NPTXR: variants seen among roughly 807,000 people sequenced by gnomAD.
The protein encoded by NPTXR is neuronal pentraxin receptor.
A neutral mutation model predicts 32.2 loss-of-function variants in NPTXR; 12 were observed. The ratio of observed to expected loss-of-function variants is 0.37; its 90% confidence interval spans 0.24 to 0.60. NPTXR has a LOEUF of 0.60. Among genes scored for constraint, NPTXR ranks in the 20% least tolerant of loss-of-function variants. NPTXR has a pLI of 0.66. For synonymous variants in NPTXR, 323 were observed against 315.8 expected (o/e 1.02, Z -0.24); for missense variants, 612 against 682.9 (o/e 0.90, Z 1.16).
intron 3 of NPTXR, among the ~76,000 whole-genome samples, chr22:38,824,936 G>A (rs367672204): frequency 2.0e-5 from 3 of 152,282 alleles, no homozygotes; most frequent in East Asian, 1.9e-4. Flanking sequence ...GGGTCTGATG[G>A]GTATCAATCA....
chr22:38,820,679 G>C lies in NPTXR; in HGVS notation c.*1930C>G, dbSNP rs893640897. The C allele has an allele frequency of 1.3e-5, 2 of 152,230 alleles. No individual in the cohort carries two copies. Among genetic ancestry groups the C allele is most frequent in the African/African-American group, 4.8e-5 (2 of 41,452 alleles). The allele number at this position is 152,230 out of a possible 1,614,324, so 9.4% of individuals were successfully genotyped here. Reference sequence around the variant, plus strand: ...CATCTGACCTCGCGGATGTCTACCTGCTTAGGTGTAGACTGAACTCAAAGG... The same window carrying C: ...CATCTGACCTCGCGGATGTCTACCTCCTTAGGTGTAGACTGAACTCAAAGG... On this transcript the variant is annotated 3_prime_UTR_variant, in exon 5 of 5. Coordinates refer to ENST00000333039, the MANE Select transcript of NPTXR (RefSeq NM_014293.4).
Position 38,843,449 on chromosome 22 carries a change from G to T in NPTXR, c.410C>A (p.Ala137Glu). The T allele has an allele frequency of 7.3e-7, 1 of 1,366,094 alleles. No homozygotes were observed. Among genetic ancestry groups the T allele is most frequent in the Non-Finnish European group, 9.4e-7 (1 of 1,065,604 alleles). The allele number at this position is 1,366,094 out of a possible 1,614,324, so 84.6% of individuals were successfully genotyped here. Reference sequence around the variant, plus strand: ...GCGGATGCGCGCCTCCTGCTGCAGCGCCGTCTGGCGCAGCTGCTCGGCCGT... The same window carrying T: ...GCGGATGCGCGCCTCCTGCTGCAGCTCCGTCTGGCGCAGCTGCTCGGCCGT... The change falls in exon 1 of 5, where the codon GCG becomes GAG. Residue 137 changes from alanine to glutamate, a missense_variant. Transcript: ENST00000333039. This position sits in a 1 kb window ranked among gnomAD's most constrained non-coding sequence, Gnocchi z 5.3.
chr22:38,818,537 TACACAC>T lies in NPTXR; in HGVS notation c.*4066_*4071del, dbSNP rs138892990. On this transcript the variant is annotated 3_prime_UTR_variant, in exon 5 of 5. Coordinates refer to ENST00000333039, the MANE Select transcript of NPTXR (RefSeq NM_014293.4). This position sits in a 1 kb window ranked among gnomAD's most constrained non-coding sequence, Gnocchi z 4.5. ...AACCATGACACAGATCACACACACA[TACACAC>T]ACACACACACGCACACACACGCACA... 2.0e-5 allele frequency: 3 copies of T among 150,662 alleles called. No individual in the cohort carries two copies. The highest frequency in any genetic ancestry group is 4.9e-5 in the African/African-American group (2 of 41,014). 9.3% of individuals were successfully genotyped at this position (150,662 alleles called of 1,614,324 possible).
chr22:38,830,883 AC>A (rs139991107), intron 1 of NPTXR, among the ~76,000 whole-genome samples: 54 of 148,444 alleles, frequency 3.6e-4, no homozygotes, highest in African/African-American at 1.2e-3. Context: ...ACCATTATCC[AC>A]CCCCCCCACC....
chr22:38,840,878 T>C (rs1314361263), intron 1 of NPTXR, among the ~76,000 whole-genome samples: 1 of 151,916 alleles, frequency 6.6e-6, no homozygotes, highest in Non-Finnish European at 1.5e-5. Context: ...AGGGCTGCTG[T>C]GAGAGGCGGC....
At chr22:38,841,865 T>A (rs2093132145) in intron 1 of NPTXR, among the ~76,000 whole-genome samples, 1 of 152,226 alleles carries the variant, frequency 6.6e-6, no homozygotes, top group African/African-American at 2.4e-5. Context: ...CTCTTGGTTC[T>A]CTCATCCTAG....
At chr22:38,841,087 G>A (rs528003207) in intron 1 of NPTXR, among the ~76,000 whole-genome samples, 3 of 152,340 alleles carry the variant, frequency 2.0e-5, no homozygotes, top group African/African-American at 4.8e-5. Flanking sequence ...TGAGAAGAGA[G>A]GGGAGAGATT....
At chr22:38,823,691 C>G (rs953188160) in intron 3 of NPTXR, among the ~76,000 whole-genome samples, 7 of 152,214 alleles carry the variant, frequency 4.6e-5, no homozygotes, top group African/African-American at 1.7e-4. Context: ...TGCCACCAAC[C>G]CCTGTGTGAT....
At chr22:38,827,238 TTTTC>T (rs1018885970) in intron 2 of NPTXR, among the ~76,000 whole-genome samples, 2 of 140,412 alleles carry the variant, frequency 1.4e-5, no homozygotes, top group Non-Finnish European at 3.0e-5. Context: ...CTTTCTTTTC[TTTTC>T]TTTTTCTTTT....
intron 1 of NPTXR, among the ~76,000 whole-genome samples, chr22:38,831,568 G>A (rs2093116228): frequency 1.3e-5 from 2 of 152,154 alleles, no homozygotes; most frequent in Admixed American, 1.3e-4. Flanking sequence ...GAGCCTTCAG[G>A]TGACACTGGA....
At chr22:38,838,803 GA>G (rs904551681) in intron 1 of NPTXR, among the ~76,000 whole-genome samples, 1 of 151,764 alleles carries the variant, frequency 6.6e-6, no homozygotes, top group Non-Finnish European at 1.5e-5. Context: ...GGATGGTCTC[GA>G]TCTCCTGACC....
At chr22:38,832,680 G>T (rs2093118214) in intron 1 of NPTXR, among the ~76,000 whole-genome samples, 1 of 152,242 alleles carries the variant, frequency 6.6e-6, no homozygotes. Context: ...GAGGCTCAGT[G>T]CCTGTCTAAG....
chr22:38,840,859 G>T (rs2093130750), intron 1 of NPTXR, among the ~76,000 whole-genome samples: 1 of 152,154 alleles, frequency 6.6e-6, no homozygotes, highest in Non-Finnish European at 1.5e-5. Flanking sequence ...AGCAGACAGA[G>T]GGAGGAGGAG....
At position 38,828,488 on chromosome 22, in the gene NPTXR, G is replaced by A. The variant is rs374110111; in HGVS notation, c.649C>T (p.Leu217Phe). Residue 217 changes from leucine (L) to phenylalanine (F), a missense_variant, in exon 2 of 5, where the codon CTC (leucine) becomes TTC (phenylalanine). Coordinates refer to ENST00000333039, the MANE Select transcript of NPTXR (RefSeq NM_014293.4). ...GAGACTGGGGCTGGGGCAGCTGAGA[G>A]GTTCACACGGGCTGGAAGCTCCTGC... is the stretch of plus-strand genomic sequence containing the variant. 10 of 1,605,038 alleles carry A rather than the reference G, an allele frequency of 6.2e-6. No homozygotes were observed. The highest frequency in any genetic ancestry group is 1.3e-5 in the African/African-American group (1 of 74,768).
chr22:38,828,589 C>T, intron 1 of NPTXR, 77 bp from the exon 2 acceptor site: 1 of 1,222,874 alleles, frequency 8.2e-7, no homozygotes, highest in East Asian at 2.6e-5. Flanking sequence ...GCCTACCGCC[C>T]CTGCTCAGTG....
intron 1 of NPTXR, among the ~76,000 whole-genome samples, chr22:38,842,552 G>A (rs2093133070): frequency 6.6e-6 from 1 of 152,224 alleles, no homozygotes; most frequent in African/African-American, 2.4e-5. Flanking sequence ...CTGGAAAAGT[G>A]AGTGGAGGAG....
rs10483198 is a variant in NPTXR at position 38,834,059 on chromosome 22, G to A, written c.625-5547C>T. 0.04 allele frequency among the ~76,000 whole-genome samples: 6,041 copies of A among 152,192 alleles called. 165 individuals carry two copies. The highest frequency in any genetic ancestry group is 0.11 in the East Asian group (591 of 5,180). On this transcript the variant is annotated intron_variant, in intron 1 of 4. Coordinates refer to ENST00000333039, the MANE Select transcript of NPTXR (RefSeq NM_014293.4). This position sits in a 1 kb window ranked among gnomAD's most constrained non-coding sequence, Gnocchi z 4.4. ...AAACAATCCTAAAGTGGCATCTCTA[G>A]TGGTTGAATCTAACCCTGCTTCTTA...
In NPTXR at chr22:38,823,069, A is replaced by T. The variant is rs2093100729; in HGVS notation, c.1278+14T>A. On this transcript the variant is annotated intron_variant, in intron 4 of 4. Coordinates refer to ENST00000333039, the MANE Select transcript of NPTXR (RefSeq NM_014293.4). ...AATTAGGAGGTCCAGCCCCAATATC[A>T]GCCTGAGCCTTACCTGCTCCTGGCC... The T allele has an allele frequency of 6.2e-7, 1 of 1,613,820 alleles. No individual in the cohort carries two copies. The highest frequency in any genetic ancestry group is 8.5e-7 in the Non-Finnish European group (1 of 1,179,802).
intron 1 of NPTXR, among the ~76,000 whole-genome samples, chr22:38,842,942 A>G (rs2093133662): frequency 6.6e-6 from 1 of 152,224 alleles, no homozygotes; most frequent in Non-Finnish European, 1.5e-5. Flanking sequence ...TTCCACTACA[A>G]GTGGACACTG....
Sources: allele counts gnomAD v4.1 joint callset (sites outside exome capture counted in the v4.1 genomes callset), GRCh38; gene constraint gnomAD v4.1.1; non-coding constraint Gnocchi (gnomAD v3.1); transcripts MANE v1.5; gene names NCBI Gene and HGNC (gene_info 2026-07-23, HGNC 2026-07-21).